Variants in RAB27B observed in about 807,000 individuals in gnomAD.
RAB27B encodes the protein ras-related protein Rab-27B.
A neutral mutation model predicts 24.6 loss-of-function variants in RAB27B; 15 were observed. The observed-to-expected ratio is 0.61, with a 90% CI of 0.41 to 0.94. The LOEUF is 0.94. RAB27B is among the 40% of genes least tolerant of loss of function. RAB27B has a pLI of 0.00. For missense variants in RAB27B, 261 were observed against 266.8 expected (o/e 0.98, Z 0.15); for synonymous variants, 105 against 92.5 (o/e 1.14, Z -0.78).
At position 54,817,534 on chromosome 18, in the gene RAB27B, G is replaced by A. The variant is rs187368268; in HGVS notation, c.-19-60033G>A. On this transcript the variant is annotated intron_variant, in intron 2 of 4. Transcript: ENST00000586570. The stretch of plus-strand genomic sequence containing the variant: ...ATACAAGAAACAGAATGGCTTTGTC[G>A]GAAATCTGGATTAGTTGGAGAGTCT... Among the ~76,000 whole-genome samples the A allele has an allele frequency of 2.2e-3, 340 of 152,150 alleles. 2 individuals are homozygous for A. The highest frequency in any genetic ancestry group is 7.3e-3 in the African/African-American group (302 of 41,522).
At chr18:54,764,804 G>T (rs1908306396) in intron 2 of RAB27B, among the ~76,000 whole-genome samples, 2 of 151,966 alleles carry the variant, frequency 1.3e-5, no homozygotes, top group Non-Finnish European at 2.9e-5. Context: ...TCCAGGGAAG[G>T]TGTTTGTCCT....
intron 2 of RAB27B, 109 bp downstream of exon 2, chr18:54,877,847 C>A: frequency 9.2e-7 from 1 of 1,087,002 alleles, no homozygotes; most frequent in Non-Finnish European, 1.3e-6. Flanking sequence ...ACACGAAATT[C>A]ATAACCTGTC....
chr18:54,814,846 C>T (rs1372156800), intron 2 of RAB27B, among the ~76,000 whole-genome samples: 1 of 152,110 alleles, frequency 6.6e-6, no homozygotes, highest in Non-Finnish European at 1.5e-5. Flanking sequence ...CTGAATGAGG[C>T]TATGTTCATC....
At chr18:54,744,610 C>T (rs1220206721) in intron 2 of RAB27B, 1 of 152,126 alleles carries the variant, frequency 6.6e-6, no homozygotes, top group Non-Finnish European at 1.5e-5. Flanking sequence ...ATGTATTGAA[C>T]TATCACAATA....
At chr18:54,751,454 G>A (rs978976298) in intron 2 of RAB27B, among the ~76,000 whole-genome samples, 2 of 152,150 alleles carry the variant, frequency 1.3e-5, no homozygotes, top group African/African-American at 4.8e-5. Flanking sequence ...AACCTTGGAG[G>A]AGCCATCACA....
chr18:54,843,392 T>C (rs1467599980), intron 1 of RAB27B, among the ~76,000 whole-genome samples: 1 of 152,112 alleles, frequency 6.6e-6, no homozygotes, highest in East Asian at 1.9e-4. Context: ...GCCTATTCTA[T>C]ATTAAGAAGA....
intron 2 of RAB27B, among the ~76,000 whole-genome samples, chr18:54,783,509 A>G (rs945401530): frequency 1.8e-4 from 24 of 134,428 alleles, no homozygotes; most frequent in South Asian, 4.8e-4. Context: ...GTGTGTGTGT[A>G]TGTATAGCAT....
chr18:54,833,234 C>CTTTTTTTTTTTTTTTTTTTTTTT (rs559070445), intron 1 of RAB27B, among the ~76,000 whole-genome samples: 2 of 129,520 alleles, frequency 1.5e-5, no homozygotes, highest in African/African-American at 2.9e-5. Context: ...TTCTTTCTTT[C>CTTTTTTTTTTTTTTTTTTTTTTT]TTTTTTTTTT....
intron 2 of RAB27B, among the ~76,000 whole-genome samples, chr18:54,797,962 A>T (rs1258849614): frequency 6.6e-6 from 1 of 152,216 alleles, no homozygotes; most frequent in African/African-American, 2.4e-5. Flanking sequence ...TATTAGTGTC[A>T]GCTCTACCCT....
At chr18:54,832,517 C>A (rs1383375558) in intron 1 of RAB27B, among the ~76,000 whole-genome samples, 1 of 152,154 alleles carries the variant, frequency 6.6e-6, no homozygotes, top group Non-Finnish European at 1.5e-5. Context: ...GACATCATAG[C>A]TGGATATAGA....
intron 1 of RAB27B, 141 bp from the exon 2 acceptor site, chr18:54,877,426 T>C (rs1912746709): frequency 1.6e-6 from 1 of 613,926 alleles, no homozygotes; most frequent in South Asian, 4.4e-5. Flanking sequence ...AAAGCTGCTT[T>C]GATCAAGTTA....
At chr18:54,880,477 T>C (rs189117248) in intron 3 of RAB27B, 1 of 152,314 alleles carries the variant, frequency 6.6e-6, no homozygotes, top group African/African-American at 2.4e-5. Context: ...CTTATGCTTG[T>C]AAACACTTCC....
chr18:54,752,012 C>T (rs11872631), intron 2 of RAB27B, among the ~76,000 whole-genome samples: 9,444 of 152,116 alleles, frequency 0.062, 367 homozygotes, highest in Admixed American at 0.087. Flanking sequence ...ATCCAAATTG[C>T]GGCGTTATGG....
At chr18:54,723,353 G>A (rs1909420955) in intron 2 of RAB27B, among the ~76,000 whole-genome samples, 1 of 151,890 alleles carries the variant, frequency 6.6e-6, no homozygotes, top group Admixed American at 6.6e-5. Flanking sequence ...ATTGGGATTG[G>A]GTTTTATGAT....
rs1397631843 is a variant in RAB27B at position 54,891,893 on chromosome 18, A to C, written c.*2480A>C. ...AGAAGTGACAAAATTGATTTAAAAT[A>C]TTGTTCTACTTATAAATAAATGCTT... On this transcript the variant is annotated 3_prime_UTR_variant, in exon 6 of 6. Coordinates refer to ENST00000262094, the MANE Select transcript of RAB27B (RefSeq NM_004163.4). 6.6e-6 allele frequency: 1 copy of C among 152,088 alleles called. No homozygotes were observed. The highest frequency in any genetic ancestry group is 1.5e-5 in the Non-Finnish European group (1 of 67,976). The allele number at this position is 152,088 out of a possible 1,614,324, so 9.4% of individuals were successfully genotyped here.
In RAB27B at chr18:54,774,680, A is replaced by G. The variant is rs560456101; in HGVS notation, c.-20+56539A>G. 7.2e-5 allele frequency among the ~76,000 whole-genome samples: 11 copies of G among 152,364 alleles called. No individual in the cohort carries two copies. In the South Asian group the frequency reaches 2.3e-3, roughly 32 times the overall value. On this transcript the variant is annotated intron_variant, in intron 2 of 4. Coordinates refer to the RAB27B transcript ENST00000586570. ...TTCCCTTTACAATCCAGAGAGGTCA[A>G]GACTGTTCATTTTCACTTTTGTTTC...
rs148747981 is a variant in RAB27B, at chr18:54,844,408, C to CTTTTT, written c.-20+15722_-20+15726dup. On this transcript the variant is annotated intron_variant, in intron 1 of 5. Transcript: ENST00000262094. ...TTTCTTTCTTTCTTTCTTTTCTTTT[C>CTTTTT]TTTTTTTTTTTTTTTTTTGATACAG... is the stretch of plus-strand genomic sequence containing the variant. Among the ~76,000 whole-genome samples, 64 of 107,864 alleles carry CTTTTT rather than the reference C, an allele frequency of 5.9e-4. 3 individuals are homozygous for CTTTTT. Among genetic ancestry groups the CTTTTT allele is most frequent in the African/African-American group, 1.9e-3 (57 of 29,724 alleles). 70.8% of individuals were successfully genotyped at this position (107,864 alleles called of 152,430 possible). A position where few individuals can be genotyped will look rare whatever the true frequency, so the allele number is the denominator to read the frequency against.
In RAB27B at chr18:54,889,488, G is replaced by T; in HGVS notation, c.*75G>T. ...AAAAACAATGACAAACCACACAATT[G>T]TTGTTGAGTAAACCACGCACAATGG... On this transcript the variant is annotated 3_prime_UTR_variant, in exon 6 of 6. Transcript: ENST00000262094. 1 of 1,363,140 alleles carries T rather than the reference G, an allele frequency of 7.3e-7. No homozygotes were observed. The highest frequency in any genetic ancestry group is 9.9e-7 in the Non-Finnish European group (1 of 1,013,964). 84.4% of individuals were successfully genotyped at this position (1,363,140 alleles called of 1,614,324 possible). A position where few individuals can be genotyped will look rare whatever the true frequency, so the allele number is the denominator to read the frequency against.
chr18:54,757,590 C>G (rs1375425263), intron 2 of RAB27B, among the ~76,000 whole-genome samples: 3 of 152,028 alleles, frequency 2.0e-5, no homozygotes, highest in African/African-American at 7.2e-5. Flanking sequence ...TATGTGTTCA[C>G]TAAGAACTGA....
Sources: allele counts gnomAD v4.1 joint callset (sites outside exome capture counted in the v4.1 genomes callset), GRCh38; gene constraint gnomAD v4.1.1; transcripts MANE v1.5; gene names NCBI Gene and HGNC (gene_info 2026-07-23, HGNC 2026-07-21).